The following CHCHD3 variants were observed in gnomAD, a reference collection of about 807,000 sequenced individuals.
The protein encoded by CHCHD3 is MICOS complex subunit MIC19.
A neutral mutation model predicts 38.2 loss-of-function variants in CHCHD3; 20 were observed. The observed-to-expected ratio is 0.52, with a 90% CI of 0.37 to 0.76. CHCHD3 has a LOEUF of 0.76. CHCHD3 is among the 30% of genes least tolerant of loss of function. CHCHD3 has a pLI of 0.00. For missense variants in CHCHD3, 245 were observed against 279.2 expected (o/e 0.88, Z 0.87); for synonymous variants, 82 against 100.0 (o/e 0.82, Z 1.07).
intron 3 of CHCHD3, among the ~76,000 whole-genome samples, chr7:133,010,397 G>A (rs1307350856): frequency 6.6e-6 from 1 of 152,108 alleles, no homozygotes; most frequent in African/African-American, 2.4e-5. Context: ...ACAGTACACA[G>A]TGGACAATCA....
At chr7:132,868,111 A>G (rs1217874505) in intron 5 of CHCHD3, among the ~76,000 whole-genome samples, 1 of 152,206 alleles carries the variant, frequency 6.6e-6, no homozygotes, top group African/African-American at 2.4e-5. Context: ...CATGAACACA[A>G]TACACTTTGA....
intron 4 of CHCHD3, among the ~76,000 whole-genome samples, chr7:132,942,688 G>A (rs1810799123): frequency 6.6e-6 from 1 of 152,172 alleles, no homozygotes; most frequent in Admixed American, 6.5e-5. Flanking sequence ...TGGTATTACA[G>A]ACATGAAGAT....
chr7:132,901,483 AGGGAGGCAGGGG>A, intron 4 of CHCHD3, among the ~76,000 whole-genome samples: 1 of 152,200 alleles, frequency 6.6e-6, no homozygotes, highest in Non-Finnish European at 1.5e-5. Flanking sequence ...AGGCCACAGG[AGGGAGGCAGGGG>A]GTCCTCTTGT....
At chr7:132,861,175 T>C (rs1808480110) in intron 5 of CHCHD3, among the ~76,000 whole-genome samples, 1 of 152,144 alleles carries the variant, frequency 6.6e-6, no homozygotes, top group South Asian at 2.1e-4. Flanking sequence ...GAACCAAAAA[T>C]GTGTCGTAGA....
chr7:133,044,450 A>G (rs528443250), intron 2 of CHCHD3, among the ~76,000 whole-genome samples: 1 of 152,310 alleles, frequency 6.6e-6, no homozygotes, highest in African/African-American at 2.4e-5. Context: ...TCCTGATAGG[A>G]TGCAGCAAAA....
intron 5 of CHCHD3, among the ~76,000 whole-genome samples, chr7:132,868,977 A>G (rs1279467997): frequency 6.6e-6 from 1 of 152,164 alleles, no homozygotes; most frequent in Non-Finnish European, 1.5e-5. Flanking sequence ...AATATAACTC[A>G]GTCTGTACTT....
chr7:132,981,581 T>C (rs868161895), intron 3 of CHCHD3, among the ~76,000 whole-genome samples: 9 of 152,216 alleles, frequency 5.9e-5, no homozygotes, highest in Non-Finnish European at 1.0e-4. Context: ...TTACCACCCC[T>C]TTCCCAAAGT....
At chr7:132,917,172 GA>G (rs1428754571) in intron 4 of CHCHD3, among the ~76,000 whole-genome samples, 5 of 152,044 alleles carry the variant, frequency 3.3e-5, no homozygotes, top group Non-Finnish European at 7.4e-5. Flanking sequence ...TTTGAATCTG[GA>G]CAGAATCTAA....
At chr7:132,934,305 T>C (rs1810584724) in intron 4 of CHCHD3, among the ~76,000 whole-genome samples, 1 of 152,194 alleles carries the variant, frequency 6.6e-6, no homozygotes, top group Admixed American at 6.5e-5. Flanking sequence ...ATCCTCTCAC[T>C]GAGTTACAGG....
At chr7:132,850,772 A>C (rs939538972) in intron 5 of CHCHD3, among the ~76,000 whole-genome samples, 1 of 152,216 alleles carries the variant, frequency 6.6e-6, no homozygotes, top group African/African-American at 2.4e-5. Flanking sequence ...GACGGACATA[A>C]ATTTAAAAAT....
intron 2 of CHCHD3, among the ~76,000 whole-genome samples, chr7:133,027,448 G>A (rs1001067266): frequency 6.9e-6 from 1 of 145,310 alleles, no homozygotes; most frequent in Non-Finnish European, 1.5e-5. Flanking sequence ...GAGGGAGGGA[G>A]GGGGGGAGAG....
intron 4 of CHCHD3, among the ~76,000 whole-genome samples, chr7:132,933,175 C>T (rs1413941869): frequency 6.6e-6 from 1 of 152,156 alleles, no homozygotes; most frequent in African/African-American, 2.4e-5. Context: ...GCATCAAGGG[C>T]AAAATGCAAT....
At chr7:133,004,110 C>T (rs944121107) in intron 3 of CHCHD3, among the ~76,000 whole-genome samples, 1 of 152,070 alleles carries the variant, frequency 6.6e-6, no homozygotes, top group African/African-American at 2.4e-5. Flanking sequence ...GCCACCATAC[C>T]CAGCTAATTT....
At position 132,879,128 on chromosome 7, in the gene CHCHD3, C is replaced by T. The variant is rs146229796; in HGVS notation, c.453+6534G>A. On this transcript the variant is annotated intron_variant, in intron 5 of 7. Transcript: ENST00000262570. ...AAGGAGGCATCTATTTGATTATATG[C>T]CATGGAAAACTAACCTAATAAAATT... Among the ~76,000 whole-genome samples the T allele has an allele frequency of 3.0e-3, 453 of 152,236 alleles. 1 individual carries two copies. The highest frequency in any genetic ancestry group is 0.01 in the African/African-American group (434 of 41,540).
chr7:132,987,535 T>C (rs140762503), intron 3 of CHCHD3, among the ~76,000 whole-genome samples: 171 of 152,262 alleles, frequency 1.1e-3, no homozygotes, highest in African/African-American at 4.0e-3. Flanking sequence ...TGGACGACAT[T>C]ATGGTGATGA....
At chr7:132,820,163 ATCAC>A (rs988843335) in intron 6 of CHCHD3, among the ~76,000 whole-genome samples, 1 of 152,202 alleles carries the variant, frequency 6.6e-6, no homozygotes, top group African/African-American at 2.4e-5. Context: ...GCCACTACTT[ATCAC>A]CACAAATCAG....
At chr7:133,047,923 T>C (rs968124331) in intron 2 of CHCHD3, among the ~76,000 whole-genome samples, 1 of 152,082 alleles carries the variant, frequency 6.6e-6, no homozygotes, top group African/African-American at 2.4e-5. Context: ...CTTCCGTCTC[T>C]ACTAAAAATA....
chr7:133,010,822 G>A (rs112543819), intron 3 of CHCHD3, among the ~76,000 whole-genome samples: 3 of 152,090 alleles, frequency 2.0e-5, no homozygotes, highest in African/African-American at 4.8e-5. Context: ...CAGGTGATCC[G>A]CCCGCCTCGG....
chr7:132,994,124 A>G (rs1373071665), intron 3 of CHCHD3, among the ~76,000 whole-genome samples: 1 of 152,130 alleles, frequency 6.6e-6, no homozygotes, highest in Non-Finnish European at 1.5e-5. Context: ...TATAGGCTAC[A>G]TTTTTCTAAA....
Sources: allele counts gnomAD v4.1 joint callset (sites outside exome capture counted in the v4.1 genomes callset), GRCh38; gene constraint gnomAD v4.1.1; transcripts MANE v1.5; gene names NCBI Gene and HGNC (gene_info 2026-07-23, HGNC 2026-07-21).